Variants in AKR1C2 observed in about 807,000 individuals in gnomAD.
The protein encoded by AKR1C2 is aldo-keto reductase family 1 member C2.
A neutral mutation model predicts 39.8 loss-of-function variants in AKR1C2; 27 were observed. The ratio of observed to expected loss-of-function variants is 0.68; its 90% confidence interval spans 0.50 to 0.93. The LOEUF is 0.93. Ranked by LOEUF, AKR1C2 falls within the 40% of genes least tolerant of loss-of-function variation. AKR1C2 has a pLI of 0.00. For synonymous variants in AKR1C2, 114 were observed against 137.9 expected (o/e 0.83, Z 1.22); for missense variants, 263 against 365.1 (o/e 0.72, Z 2.28).
chr10:4,992,674 G>A (rs1836880526), intron 7 of AKR1C2, among the ~76,000 whole-genome samples: 4 of 147,478 alleles, frequency 2.7e-5, no homozygotes, highest in Admixed American at 2.0e-4. Context: ...GTAATTGCCG[G>A]GCACGTTGGC....
chr10:5,005,221 T>C (rs560561140), upstream of AKR1C2, among the ~76,000 whole-genome samples: 12 of 152,194 alleles, frequency 7.9e-5, no homozygotes, highest in African/African-American at 2.6e-4. Flanking sequence ...ACAGTCCACA[T>C]AGGTACATGT....
intron 2 of AKR1C2, among the ~76,000 whole-genome samples, 175 bp from the exon 3 acceptor site, chr10:5,000,841 A>T (rs1481738800): frequency 6.6e-6 from 1 of 152,198 alleles, no homozygotes; most frequent in Non-Finnish European, 1.5e-5. Flanking sequence ...GAACTTTATA[A>T]TATGTTGGAT....
intron 5 of AKR1C2, among the ~76,000 whole-genome samples, chr10:4,997,875 G>A (rs1588302356): frequency 1.3e-5 from 2 of 152,112 alleles, no homozygotes; most frequent in African/African-American, 2.4e-5. Context: ...CAGGACTCAA[G>A]GAAAAGATGG....
At chr10:5,004,640 C>T (rs1837361283), upstream of AKR1C2, 1 of 152,024 alleles carries the variant, frequency 6.6e-6, no homozygotes, top group Admixed American at 6.6e-5. Flanking sequence ...ATTAGATATA[C>T]TTTATAATAT....
At chr10:5,017,010 G>A (rs1180492566) in intron 1 of AKR1C2, among the ~76,000 whole-genome samples, 1 of 152,154 alleles carries the variant, frequency 6.6e-6, no homozygotes, top group Admixed American at 6.5e-5. Flanking sequence ...TGGTATGCAG[G>A]GTGCCATGTC....
intron 1 of AKR1C2, among the ~76,000 whole-genome samples, chr10:5,012,816 T>A (rs1400068718): frequency 1.3e-5 from 2 of 152,234 alleles, no homozygotes; most frequent in Non-Finnish European, 2.9e-5. Context: ...TCCTGCATCA[T>A]CAATTTTTCT....
intron 5 of AKR1C2, among the ~76,000 whole-genome samples, chr10:4,996,306 T>C (rs1837035993): frequency 1.3e-5 from 2 of 151,452 alleles, no homozygotes; most frequent in South Asian, 4.2e-4. Flanking sequence ...CTGACATATA[T>C]ATATCATATA....
At chr10:4,990,522 C>A (rs1304413255) in intron 8 of AKR1C2, among the ~76,000 whole-genome samples, 1 of 152,122 alleles carries the variant, frequency 6.6e-6, no homozygotes, top group Non-Finnish European at 1.5e-5. Flanking sequence ...ACCTGCCTAT[C>A]ATACGCAACA....
upstream of AKR1C2, chr10:5,005,928 A>G (rs1247216941): frequency 6.6e-6 from 1 of 152,210 alleles, no homozygotes; most frequent in Non-Finnish European, 1.5e-5. Context: ...AAGAAAAGGA[A>G]ACAAATTGGA....
chr10:4,994,754 T>C (rs1285958677), intron 7 of AKR1C2, among the ~76,000 whole-genome samples: 6 of 149,384 alleles, frequency 4.0e-5, no homozygotes, highest in Admixed American at 2.7e-4. Context: ...CCAGGCTAAT[T>C]TTCTAACCAT....
At chr10:4,998,098 A>C (rs1414377508) in intron 5 of AKR1C2, among the ~76,000 whole-genome samples, 1 of 152,164 alleles carries the variant, frequency 6.6e-6, no homozygotes, top group East Asian at 1.9e-4. Context: ...GATGACCTTC[A>C]CTGTCTGCAG....
intron 5 of AKR1C2, chr10:4,997,144 T>G (rs1193711598): frequency 2.0e-5 from 3 of 152,550 alleles, no homozygotes; most frequent in Admixed American, 1.3e-4. Flanking sequence ...TCTAGTGTCG[T>G]GCAATTTGAA....
intron 7 of AKR1C2, among the ~76,000 whole-genome samples, chr10:4,994,208 T>C (rs1266288124): frequency 1.3e-5 from 2 of 152,006 alleles, no homozygotes; most frequent in African/African-American, 4.8e-5. Flanking sequence ...TATGTATGTA[T>C]TCTGGATGTT....
chr10:4,989,902 G>C lies in AKR1C2; in HGVS notation c.*94C>G. On this transcript the variant is annotated 3_prime_UTR_variant, in exon 9 of 9. Coordinates refer to ENST00000380753, the MANE Select transcript of AKR1C2 (RefSeq NM_001393392.1). ...TCGCCAAGCAGGAGAGATTTAACCA[G>C]AGGCGATGTGTCCAGTCACCAGCAT... 1 of 1,456,916 alleles carries C rather than the reference G, an allele frequency of 6.9e-7. No individual in the cohort carries two copies. The highest frequency in any genetic ancestry group is 9.4e-7 in the Non-Finnish European group (1 of 1,059,728). 90.2% of individuals were successfully genotyped at this position (1,456,916 alleles called of 1,614,324 possible). A position where few individuals can be genotyped will look rare whatever the true frequency, so the allele number is the denominator to read the frequency against.
upstream of AKR1C2, chr10:5,004,943 A>G (rs1200941582): frequency 6.8e-6 from 1 of 147,654 alleles, no homozygotes; most frequent in Non-Finnish European, 1.5e-5. Context: ...AGTAATTTCA[A>G]CAAGATGGTG....
At position 4,999,725 on chromosome 10, in the gene AKR1C2, G is replaced by A. The variant is rs751124293; in HGVS notation, c.370-448C>T. Reference sequence around the variant, plus strand: ...TGAACCAATCATGGTCAATGGAGGCGTTTTCCAGGCTAGTTTGGAAATTAG... The same window carrying A: ...TGAACCAATCATGGTCAATGGAGGCATTTTCCAGGCTAGTTTGGAAATTAG... On this transcript the variant is annotated intron_variant, in intron 3 of 8. Coordinates refer to ENST00000380753, the MANE Select transcript of AKR1C2 (RefSeq NM_001393392.1). 5.3e-5 allele frequency: 10 copies of A among 187,594 alleles called. No homozygotes were observed. The East Asian group carries it at 7.6e-4, about 14-fold the overall frequency. The allele number at this position is 187,594 out of a possible 1,614,324, so 11.6% of individuals were successfully genotyped here.
intron 7 of AKR1C2, among the ~76,000 whole-genome samples, chr10:4,992,984 C>A (rs10904386): frequency 0.29 from 43,623 of 151,538 alleles, 6,992 homozygotes; most frequent in East Asian, 0.63. Flanking sequence ...GAAATTTATG[C>A]AATTAATGAT....
Position 5,000,564 on chromosome 10 carries a change from G to T in AKR1C2, c.355C>A (p.Pro119Thr), listed in dbSNP as rs139521690. ...DYVDLYLIHFPVSVKPGEEVI... is the reference protein window; with the variant it reads ...DYVDLYLIHFTVSVKPGEEVI... Reference sequence around the variant, plus strand: ...AAGCTGCCTACCTTTACAGACACTGGAAAATGAATAAGATAGAGGTCAACA... The same window carrying T: ...AAGCTGCCTACCTTTACAGACACTGTAAAATGAATAAGATAGAGGTCAACA... The change falls in exon 3 of 9, where the codon CCA (proline) becomes ACA (threonine). Residue 119 changes from proline (P) to threonine (T), a missense_variant. Physicochemically the swap from Pro to Thr is conservative, Grantham distance 38. Around this residue, in one of 3 missense-constraint regions of AKR1C2, gnomAD observed 247 missense variants for 267.9 expected, o/e 0.92. Coordinates refer to ENST00000380753, the MANE Select transcript of AKR1C2 (RefSeq NM_001393392.1). The T allele has an allele frequency of 2.5e-5, 41 of 1,613,800 alleles. No individual in the cohort carries two copies. Among genetic ancestry groups the T allele is most frequent in the Non-Finnish European group, 3.5e-5 (41 of 1,179,866 alleles).
intron 1 of AKR1C2, among the ~76,000 whole-genome samples, chr10:5,002,012 T>C: frequency 6.6e-6 from 1 of 151,930 alleles, no homozygotes; most frequent in Non-Finnish European, 1.5e-5. Context: ...TTTAGTATGG[T>C]GAAATTAACA....
Sources: allele counts gnomAD v4.1 joint callset (sites outside exome capture counted in the v4.1 genomes callset), GRCh38; gene constraint gnomAD v4.1.1; regional missense constraint gnomAD v4.1.1; transcripts MANE v1.5; gene names NCBI Gene and HGNC (gene_info 2026-07-23, HGNC 2026-07-21).